The following INTS4 variants were observed in gnomAD, a reference collection of about 807,000 sequenced individuals.
INTS4 encodes the protein integrator complex subunit 4.
INTS4 carries 70 observed loss-of-function variants against 119.5 expected under a neutral mutation model. That is an observed-to-expected ratio of 0.59 (90% confidence interval 0.48 to 0.71). INTS4 has a LOEUF of 0.71. Among genes scored for constraint, INTS4 ranks in the 30% least tolerant of loss-of-function variants. INTS4 has a pLI of 0.00. For missense variants in INTS4, 867 were observed against 1,173.2 expected (o/e 0.74, Z 3.81); for synonymous variants, 316 against 419.6 (o/e 0.75, Z 3.02).
chr11:77,939,162 G>C (rs1004357380), intron 9 of INTS4, among the ~76,000 whole-genome samples: 8 of 152,326 alleles, frequency 5.3e-5, no homozygotes, highest in Admixed American at 1.3e-4. Context: ...ATCTTGGGTA[G>C]ACAATACGTT....
chr11:77,956,930 A>C (rs1406511774), intron 7 of INTS4, among the ~76,000 whole-genome samples: 1 of 152,002 alleles, frequency 6.6e-6, no homozygotes, highest in Non-Finnish European at 1.5e-5. Context: ...TTTCAGTTGC[A>C]TTGCAAATTA....
rs761630699 is a variant in INTS4 at position 77,901,433 on chromosome 11, C to T, written c.2216G>A (p.Arg739Gln). 25 of 1,613,772 alleles carry T rather than the reference C, an allele frequency of 1.5e-5. No homozygotes were observed. The highest frequency in any genetic ancestry group is 2.1e-5 in the Non-Finnish European group (25 of 1,179,854). ...CCCCACATCTTACCCTCGTGTAGTT[C>T]GTGCTGTTACTATAAGTTGCAAAGC... ...AKALQLIVTA[R>Q]TTRGLDPLFG... Residue 739 changes from arginine to glutamine, a missense_variant, in exon 18 of 23, where the codon CGA becomes CAA. Transcript: ENST00000534064.
chr11:77,987,154 A>C (rs1408187257), intron 2 of INTS4: 1 of 152,354 alleles, frequency 6.6e-6, no homozygotes, highest in East Asian at 1.9e-4. Context: ...CCACAAAATG[A>C]TAATTTTTGA....
chr11:77,940,750 C>T (rs1486078662), intron 9 of INTS4, among the ~76,000 whole-genome samples: 1 of 152,104 alleles, frequency 6.6e-6, no homozygotes, highest in Admixed American at 6.6e-5. Context: ...TGATTCCCTG[C>T]CTCAGTCACC....
intron 21 of INTS4, among the ~76,000 whole-genome samples, chr11:77,886,026 C>T (rs1464028250): frequency 1.3e-5 from 2 of 151,466 alleles, no homozygotes; most frequent in Non-Finnish European, 2.9e-5. Flanking sequence ...AAAAGTAAGA[C>T]CCCCCAATCT....
At chr11:77,929,409 A>G (rs1953591214) in intron 10 of INTS4, among the ~76,000 whole-genome samples, 1 of 152,166 alleles carries the variant, frequency 6.6e-6, no homozygotes, top group Non-Finnish European at 1.5e-5. Context: ...CACCACATAT[A>G]TGTGATGAAG....
At chr11:77,891,269 T>G in intron 21 of INTS4, 50 bp downstream of exon 21, 1 of 1,581,028 alleles carries the variant, frequency 6.3e-7, no homozygotes, top group Non-Finnish European at 8.6e-7. Flanking sequence ...ATTAAATACT[T>G]CAACACAATG....
At chr11:77,925,646 T>A (rs1003983672) in intron 11 of INTS4, among the ~76,000 whole-genome samples, 2 of 152,218 alleles carry the variant, frequency 1.3e-5, no homozygotes, top group African/African-American at 4.8e-5. Flanking sequence ...ATCCATAAAA[T>A]TCTGCAACAG....
At chr11:77,924,353 A>G (rs1953443005) in intron 12 of INTS4, 1 of 155,664 alleles carries the variant, frequency 6.4e-6, no homozygotes. Flanking sequence ...GTGAGCTGAG[A>G]TCACGCCACT....
At chr11:77,990,686 C>CA (rs781257703) in intron 2 of INTS4, among the ~76,000 whole-genome samples, 45,248 of 98,232 alleles carry the variant, frequency 0.46, 9,384 homozygotes, top group African/African-American at 0.47. Context: ...ACTCTGTCTC[C>CA]AAAAAAAAAA....
chr11:77,954,459 G>T (rs552848018), intron 8 of INTS4, among the ~76,000 whole-genome samples: 1 of 152,188 alleles, frequency 6.6e-6, no homozygotes, highest in African/African-American at 2.4e-5. Context: ...CTGGATAATG[G>T]CATCTATCCT....
intron 4 of INTS4, among the ~76,000 whole-genome samples, chr11:77,967,028 C>T (rs1384741366): frequency 2.0e-5 from 3 of 152,028 alleles, no homozygotes; most frequent in African/African-American, 7.2e-5. Context: ...CAATAGCTAT[C>T]CTAATGGGTA....
rs545077889 is a variant in INTS4, at chr11:77,977,356, A to G, written c.471+1640T>C. Among the ~76,000 whole-genome samples the G allele has an allele frequency of 4.1e-4, 63 of 152,104 alleles. 1 individual carries two copies. The South Asian group carries it at 5.8e-3, about 14-fold the overall frequency. On this transcript the variant is annotated intron_variant, in intron 4 of 22. Transcript: ENST00000534064. ...AGCTATTACAAATTATATTTATAAA[A>G]CACATACAAGAAAAATACTTATGTT...
chr11:77,913,538 C>T (rs900311595), intron 15 of INTS4, among the ~76,000 whole-genome samples: 13 of 152,154 alleles, frequency 8.5e-5, no homozygotes, highest in African/African-American at 3.1e-4. Context: ...GTCTCGATCT[C>T]CTGAGCTCGT....
At chr11:77,948,987 T>C (rs914236152) in intron 8 of INTS4, among the ~76,000 whole-genome samples, 2 of 152,164 alleles carry the variant, frequency 1.3e-5, no homozygotes, top group Non-Finnish European at 1.5e-5. Flanking sequence ...ATCTGGTTTT[T>C]AGTTTTTTTT....
Position 77,891,633 on chromosome 11 carries a change from T to C in INTS4, c.2448+48A>G. Reference sequence around the variant, plus strand: ...AAGAAGATCACCAAGGTAAAGATTTTTGACCGTCTGGACAGATTTGGCCTA... The same window carrying C: ...AAGAAGATCACCAAGGTAAAGATTTCTGACCGTCTGGACAGATTTGGCCTA... On this transcript the variant is annotated intron_variant, in intron 20 of 22. Coordinates refer to ENST00000534064, the MANE Select transcript of INTS4 (RefSeq NM_033547.4). 2.5e-6 allele frequency: 4 copies of C among 1,594,086 alleles called. No individual in the cohort carries two copies. The South Asian group carries it at 4.6e-5, about 18-fold the overall frequency.
At chr11:77,929,042 A>T (rs1398167420) in intron 10 of INTS4, among the ~76,000 whole-genome samples, 2 of 151,562 alleles carry the variant, frequency 1.3e-5, no homozygotes, top group African/African-American at 4.8e-5. Flanking sequence ...AACTCCAAAA[A>T]CAAAAAAACA....
chr11:77,891,938 T>A, intron 19 of INTS4, 98 bp from the exon 20 acceptor site: 1 of 1,570,982 alleles, frequency 6.4e-7, no homozygotes, highest in Non-Finnish European at 8.6e-7. Context: ...GTAGGAAGAA[T>A]GATGAAGTGA....
downstream of INTS4, among the ~76,000 whole-genome samples, chr11:77,877,588 T>C (rs1951633901): frequency 6.6e-6 from 1 of 152,166 alleles, no homozygotes; most frequent in Non-Finnish European, 1.5e-5. Flanking sequence ...CTTAGACCTT[T>C]GGGATCTTCT....
Sources: gnomAD v4.1 joint callset for allele counts (sites outside exome capture counted in the v4.1 genomes callset) on GRCh38, gnomAD v4.1.1 for gene constraint, MANE v1.5 for transcripts, NCBI Gene and HGNC (gene_info 2026-07-23, HGNC 2026-07-21) for gene names.